The following FYN variants were observed in gnomAD, a reference collection of about 807,000 sequenced individuals.
FYN encodes the protein tyrosine-protein kinase Fyn.
Under a neutral mutation model 70.2 loss-of-function variants are expected in FYN, and 10 were observed. That is an observed-to-expected ratio of 0.14 (90% CI 0.09 to 0.24). The LOEUF (loss-of-function observed/expected upper bound fraction) is 0.24, where lower values mean the gene tolerates loss of function less well. FYN is among the 10% of genes least tolerant of loss of function. The pLI is 1.00. For missense variants in FYN, 319 were observed against 673.1 expected (o/e 0.47, Z 5.82); for synonymous variants, 236 against 248.6 (o/e 0.95, Z 0.48).
intron 3 of FYN, among the ~76,000 whole-genome samples, chr6:111,744,914 A>G (rs143955101): frequency 1.4e-4 from 21 of 152,346 alleles, no homozygotes; most frequent in African/African-American, 4.6e-4. Flanking sequence ...GAGGAGAGGT[A>G]GAAAGTACAA....
chr6:111,783,825 G>C lies in FYN; in HGVS notation c.-81-3190C>G, dbSNP rs1771265729. 5.3e-5 allele frequency among the ~76,000 whole-genome samples: 8 copies of C among 152,324 alleles called. No homozygotes were observed. The South Asian group carries it at 1.7e-3, about 32-fold the overall frequency. On this transcript the variant is annotated intron_variant, in intron 2 of 13. Coordinates refer to ENST00000354650, the MANE Select transcript of FYN (RefSeq NM_002037.5). Reference sequence around the variant, plus strand: ...GCGGGACAGTCCAAGGTTTTGCAGTGTGCTGACCTGCAACATTCGCATCAA... The same window carrying C: ...GCGGGACAGTCCAAGGTTTTGCAGTCTGCTGACCTGCAACATTCGCATCAA...
At chr6:111,736,710 T>C (rs549428679) in intron 3 of FYN, among the ~76,000 whole-genome samples, 1 of 152,332 alleles carries the variant, frequency 6.6e-6, no homozygotes, top group East Asian at 1.9e-4. Context: ...AATGGTCCTG[T>C]GTACAACCAG....
chr6:111,706,104 G>A (rs887501177), intron 6 of FYN, among the ~76,000 whole-genome samples: 2 of 152,182 alleles, frequency 1.3e-5, no homozygotes, highest in African/African-American at 4.8e-5. Context: ...TGCCACTTTA[G>A]GAGGCATCAC....
chr6:111,789,496 G>A (rs934408095), intron 2 of FYN, among the ~76,000 whole-genome samples: 2 of 152,144 alleles, frequency 1.3e-5, no homozygotes, highest in African/African-American at 2.4e-5. Context: ...TTAAGGCCAT[G>A]AGTACCCAGT....
intron 2 of FYN, chr6:111,844,702 CG>C (rs1773467280): frequency 6.6e-6 from 1 of 152,224 alleles, no homozygotes; most frequent in South Asian, 2.1e-4. Flanking sequence ...ATCCACACCA[CG>C]GGTCAGTCAC....
chr6:111,720,136 G>C (rs1218658309), intron 3 of FYN, 74 bp from the exon 4 acceptor site: 66 of 1,495,672 alleles, frequency 4.4e-5, no homozygotes, highest in Non-Finnish European at 5.6e-5. Flanking sequence ...AGTAAACGAG[G>C]AGTAATTGAC....
intron 2 of FYN, among the ~76,000 whole-genome samples, chr6:111,813,520 C>G (rs11969825): frequency 0.014 from 2,059 of 152,236 alleles, 44 homozygotes; most frequent in African/African-American, 0.045. Flanking sequence ...CTTTTTATGG[C>G]CTTCAACTTT....
At chr6:111,697,829 T>C (rs1799640635) in intron 9 of FYN, among the ~76,000 whole-genome samples, 1 of 152,252 alleles carries the variant, frequency 6.6e-6, no homozygotes, top group African/African-American at 2.4e-5. Flanking sequence ...TTGTAAAATT[T>C]GAAAATAAAT....
Position 111,696,330 on chromosome 6 carries a change from T to C in FYN, c.989A>G (p.Tyr330Cys). 1 of 1,613,810 alleles carries C rather than the reference T, an allele frequency of 6.2e-7. No individual in the cohort carries two copies. Among genetic ancestry groups the C allele is most frequent in the Non-Finnish European group, 8.5e-7 (1 of 1,179,874 alleles). Residue 330 changes from tyrosine to cysteine, a missense_variant, in exon 10 of 14, where the codon TAT becomes TGT. Physicochemically the swap from Tyr to Cys is radical, Grantham distance 194 (BLOSUM62 -2). Coordinates refer to ENST00000354650, the MANE Select transcript of FYN (RefSeq NM_002037.5). ...GATGGGCTCCTCAGACACCACTGCATAGAGCTGGACCAGCTTGTCGTGCTT... is the reference window on the plus strand; with the variant it reads ...GATGGGCTCCTCAGACACCACTGCACAGAGCTGGACCAGCTTGTCGTGCTT... ...KLKHDKLVQL[Y>C]AVVSEEPIYI...
At chr6:111,795,879 C>G (rs113569058) in intron 2 of FYN, among the ~76,000 whole-genome samples, 1 of 152,180 alleles carries the variant, frequency 6.6e-6, no homozygotes, top group East Asian at 1.9e-4. Flanking sequence ...GAATCAATTT[C>G]TATTTCTATA....
At chr6:111,825,236 T>C (rs1485049595) in intron 2 of FYN, among the ~76,000 whole-genome samples, 1 of 152,218 alleles carries the variant, frequency 6.6e-6, no homozygotes, top group Non-Finnish European at 1.5e-5. Flanking sequence ...ATGTAGCTAC[T>C]GTACTTTCAA....
intron 12 of FYN, among the ~76,000 whole-genome samples, chr6:111,687,631 T>C (rs975623336): frequency 6.7e-6 from 1 of 149,052 alleles, no homozygotes; most frequent in Non-Finnish European, 1.5e-5. Flanking sequence ...TGTGTGTGTG[T>C]ATGTGTGTGT....
At chr6:111,778,566 C>T (rs1771041463) in intron 3 of FYN, among the ~76,000 whole-genome samples, 1 of 151,072 alleles carries the variant, frequency 6.6e-6, no homozygotes, top group Non-Finnish European at 1.5e-5. Context: ...TTCTTTCTTT[C>T]TTTTGTTTTT....
chr6:111,691,963 G>A (rs1475141428), intron 12 of FYN, among the ~76,000 whole-genome samples: 1 of 151,966 alleles, frequency 6.6e-6, no homozygotes, highest in Non-Finnish European at 1.5e-5. Flanking sequence ...TCCCTGCTTG[G>A]TCCTCACGTT....
chr6:111,765,819 C>G (rs1476180566), intron 3 of FYN, among the ~76,000 whole-genome samples: 5 of 151,146 alleles, frequency 3.3e-5, no homozygotes, highest in Non-Finnish European at 7.4e-5. Context: ...GACTTAGACT[C>G]TAAGCGACAG....
chr6:111,782,019 G>C (rs1562519082), intron 2 of FYN, among the ~76,000 whole-genome samples: 1 of 152,164 alleles, frequency 6.6e-6, no homozygotes. Flanking sequence ...ATAAGGGTTA[G>C]AGACAATGAT....
chr6:111,818,350 A>G (rs1487429320), intron 2 of FYN, among the ~76,000 whole-genome samples: 2 of 152,216 alleles, frequency 1.3e-5, no homozygotes, highest in Non-Finnish European at 2.9e-5. Flanking sequence ...CAAAGCATTT[A>G]TAAATACCTC....
intron 5 of FYN, among the ~76,000 whole-genome samples, chr6:111,709,511 A>C (rs1038104990): frequency 1.3e-5 from 2 of 152,210 alleles, no homozygotes; most frequent in African/African-American, 4.8e-5. Context: ...ATAGCCCACA[A>C]AAAAAACCAA....
intron 1 of FYN, among the ~76,000 whole-genome samples, chr6:111,866,484 G>A (rs1171412296): frequency 6.6e-6 from 1 of 152,230 alleles, no homozygotes; most frequent in African/African-American, 2.4e-5. Context: ...TGGGATTACA[G>A]GCCTGTGCCA....
Sources: gnomAD v4.1 joint callset for allele counts (sites outside exome capture counted in the v4.1 genomes callset) on GRCh38, gnomAD v4.1.1 for gene constraint, MANE v1.5 for transcripts, NCBI Gene and HGNC (gene_info 2026-07-23, HGNC 2026-07-21) for gene names.